The following MAGI2 variants were observed in gnomAD, a reference collection of about 807,000 sequenced individuals.
MAGI2 encodes the protein membrane-associated guanylate kinase, WW and PDZ domain-containing protein 2.
A neutral mutation model predicts 133.3 loss-of-function variants in MAGI2; 35 were observed. That is an observed-to-expected ratio of 0.26 (90% confidence interval 0.20 to 0.35). MAGI2 has a LOEUF of 0.35. Among genes scored for constraint, MAGI2 ranks in the 10% least tolerant of loss-of-function variants. The pLI, the probability that MAGI2 is intolerant of heterozygous loss-of-function variation, is 1.00. For missense variants in MAGI2, 1,636 were observed against 1,863.4 expected, an observed-to-expected ratio of 0.88 and a Z score of 2.25; for synonymous variants, 729 against 710.6, an observed-to-expected ratio of 1.03 and a Z score of -0.41.
intron 20 of MAGI2, among the ~76,000 whole-genome samples, chr7:78,094,547 G>A (rs1057280144): frequency 6.6e-6 from 1 of 152,226 alleles, no homozygotes; most frequent in African/African-American, 2.4e-5. Context: ...ACATGAATGG[G>A]AACCCTAAAA....
At chr7:78,226,824 T>A (rs769726436) in intron 10 of MAGI2, among the ~76,000 whole-genome samples, 1 of 152,222 alleles carries the variant, frequency 6.6e-6, no homozygotes, top group Non-Finnish European at 1.5e-5. Context: ...TACAGTCAGA[T>A]TGACACTTTT....
chr7:78,862,880 A>T (rs1042612077), intron 2 of MAGI2, among the ~76,000 whole-genome samples: 2 of 152,246 alleles, frequency 1.3e-5, no homozygotes, highest in African/African-American at 2.4e-5. Flanking sequence ...TAAAGAAGTT[A>T]TTTTAATATG....
At chr7:78,981,756 C>T (rs1804807032) in intron 2 of MAGI2, among the ~76,000 whole-genome samples, 1 of 151,858 alleles carries the variant, frequency 6.6e-6, no homozygotes, top group Admixed American at 6.6e-5. Flanking sequence ...TTTGTTTCTA[C>T]AGATAGCTCT....
intron 2 of MAGI2, among the ~76,000 whole-genome samples, chr7:78,796,091 G>A (rs1787589698): frequency 6.6e-6 from 1 of 152,016 alleles, no homozygotes; most frequent in East Asian, 1.9e-4. Flanking sequence ...TTTTTGGGGT[G>A]AGACCTCAAA....
chr7:79,009,475 T>C (rs1405957819), intron 1 of MAGI2, among the ~76,000 whole-genome samples: 1 of 152,154 alleles, frequency 6.6e-6, no homozygotes, highest in Non-Finnish European at 1.5e-5. Context: ...TCCCAAATGC[T>C]TTATTATCCT....
At chr7:78,942,929 G>T (rs1801105738) in intron 2 of MAGI2, among the ~76,000 whole-genome samples, 1 of 151,546 alleles carries the variant, frequency 6.6e-6, no homozygotes. Flanking sequence ...TGGATTCATG[G>T]ATGAATGACT....
At chr7:79,190,948 A>T (rs1253059588) in intron 1 of MAGI2, among the ~76,000 whole-genome samples, 1 of 151,826 alleles carries the variant, frequency 6.6e-6, no homozygotes, top group South Asian at 2.1e-4. Flanking sequence ...TTCTCTATTG[A>T]TTGAAAATAC....
rs10664633 is a variant in MAGI2 at position 79,304,203 on chromosome 7, C to G, written c.301+148817G>C. 9.0e-3 allele frequency among the ~76,000 whole-genome samples: 1,222 copies of G among 135,366 alleles called. 13 individuals are homozygous for G. The highest frequency in any genetic ancestry group is 0.025 in the African/African-American group (883 of 35,706). The allele number at this position is 135,366 out of a possible 152,430, so 88.8% of individuals were successfully genotyped here. On this transcript the variant is annotated intron_variant, in intron 1 of 21. Coordinates refer to ENST00000354212, the MANE Select transcript of MAGI2 (RefSeq NM_012301.4). ...GGGATGTGTGTGTGTGTGTGTGTGT[C>G]TGTGTGTGTGTGTGTGTGTGTGTGT...
At chr7:79,307,416 G>C (rs1441151217) in intron 1 of MAGI2, among the ~76,000 whole-genome samples, 2 of 152,154 alleles carry the variant, frequency 1.3e-5, no homozygotes, top group Non-Finnish European at 2.9e-5. Flanking sequence ...TTACGATATG[G>C]ATTAAGTGAG....
intron 2 of MAGI2, among the ~76,000 whole-genome samples, chr7:78,676,433 A>T (rs1815030751): frequency 6.6e-6 from 1 of 151,974 alleles, no homozygotes; most frequent in Non-Finnish European, 1.5e-5. Context: ...AATTCTATAC[A>T]CTCCAGGAAT....
intron 2 of MAGI2, among the ~76,000 whole-genome samples, chr7:78,862,265 A>G (rs1411047457): frequency 6.6e-6 from 1 of 152,230 alleles, no homozygotes; most frequent in Non-Finnish European, 1.5e-5. Context: ...TGAAACCAAC[A>G]GAGTTTAAAC....
At chr7:79,364,881 A>G (rs1842597667) in intron 1 of MAGI2, among the ~76,000 whole-genome samples, 1 of 150,544 alleles carries the variant, frequency 6.6e-6, no homozygotes, top group African/African-American at 2.5e-5. Flanking sequence ...AAAATTCATA[A>G]AAAAATTAAT....
chr7:79,382,686 A>C (rs998789743), intron 1 of MAGI2, among the ~76,000 whole-genome samples: 4 of 151,672 alleles, frequency 2.6e-5, no homozygotes, highest in Non-Finnish European at 5.9e-5. Flanking sequence ...TGCTAAATAA[A>C]TATTACATAT....
intron 3 of MAGI2, among the ~76,000 whole-genome samples, chr7:78,595,808 G>A (rs1804530882): frequency 6.6e-6 from 1 of 152,140 alleles, no homozygotes; most frequent in South Asian, 2.1e-4. Context: ...TGTATCGGTA[G>A]ACTCTCAGAA....
chr7:79,214,851 AT>A (rs1276585080), intron 1 of MAGI2, among the ~76,000 whole-genome samples: 1 of 144,624 alleles, frequency 6.9e-6, no homozygotes, highest in African/African-American at 2.5e-5. Context: ...AAATTTATAA[AT>A]TTATAAATAT....
At chr7:78,427,557 T>G (rs1233568084) in intron 6 of MAGI2, among the ~76,000 whole-genome samples, 1 of 151,624 alleles carries the variant, frequency 6.6e-6, no homozygotes, top group African/African-American at 2.4e-5. Flanking sequence ...ATATCATGAC[T>G]GCATGACCCA....
intron 3 of MAGI2, among the ~76,000 whole-genome samples, chr7:78,556,605 G>C (rs2192657): frequency 0.75 from 114,689 of 152,122 alleles, 43,373 homozygotes; most frequent in East Asian, 0.87. Flanking sequence ...TAGGTGAGAA[G>C]AGCCCTGGGG....
chr7:78,716,694 T>C (rs570097367), intron 2 of MAGI2, among the ~76,000 whole-genome samples: 1 of 152,302 alleles, frequency 6.6e-6, no homozygotes, highest in East Asian at 1.9e-4. Flanking sequence ...GAAAGATCAA[T>C]TTCCCCATTT....
At chr7:78,699,027 TG>T (rs1369019648) in intron 2 of MAGI2, among the ~76,000 whole-genome samples, 1 of 152,236 alleles carries the variant, frequency 6.6e-6, no homozygotes, top group Non-Finnish European at 1.5e-5. Context: ...TCAGAAATGA[TG>T]GTGATAAACA....
Sources: allele counts gnomAD v4.1 joint callset (sites outside exome capture counted in the v4.1 genomes callset), GRCh38; gene constraint gnomAD v4.1.1; transcripts MANE v1.5; gene names NCBI Gene and HGNC (gene_info 2026-07-23, HGNC 2026-07-21).